The following C2CD2L variants were observed in gnomAD, a reference collection of about 807,000 sequenced individuals.
C2CD2L encodes the protein phospholipid transfer protein C2CD2L.
In C2CD2L, 24 loss-of-function variants were observed where a neutral mutation model predicts 69.9. The ratio of observed to expected loss-of-function variants is 0.34; its 90% CI spans 0.25 to 0.48. The LOEUF (loss-of-function observed/expected upper bound fraction) is 0.48, where lower values mean the gene tolerates loss of function less well. Ranked by LOEUF, C2CD2L falls within the 20% of genes least tolerant of loss-of-function variation. The probability of loss-of-function intolerance (pLI) is 0.99; values close to 1 mark genes in which losing one functional copy is unlikely to be tolerated. For synonymous variants in C2CD2L, 367 were observed against 391.0 expected, an observed-to-expected ratio of 0.94 and a Z score of 0.72; for missense variants, 811 against 941.5, an observed-to-expected ratio of 0.86 and a Z score of 1.81.
In C2CD2L at chr11:119,118,109, T is replaced by A. The variant is rs1020915630; in HGVS notation, c.*1853T>A. On this transcript the variant is annotated 3_prime_UTR_variant, in exon 14 of 14. Transcript: ENST00000648610. ...AATTAGATAATTTAGTTTTATATAT[T>A]TGGGGGGACAAGTGCAGGTTTCTTA... 1 of 152,100 alleles carries A rather than the reference T, an allele frequency of 6.6e-6. No individual in the cohort carries two copies. Among genetic ancestry groups the A allele is most frequent in the Non-Finnish European group, 1.5e-5 (1 of 68,008 alleles). The allele number at this position is 152,100 out of a possible 1,614,324, so 9.4% of individuals were successfully genotyped here.
chr11:119,110,246 G>T lies in C2CD2L; in HGVS notation c.450+47G>T. The T allele has an allele frequency of 7.4e-7, 1 of 1,353,890 alleles. No individual in the cohort carries two copies. Among genetic ancestry groups the T allele is most frequent in the South Asian group, 1.2e-5 (1 of 85,634 alleles). The allele number at this position is 1,353,890 out of a possible 1,614,324, so 83.9% of individuals were successfully genotyped here. A position where few individuals can be genotyped will look rare whatever the true frequency, so the allele number is the denominator to read the frequency against. ...CCCTCTTTGGGGTCCAAGAAGGACTGACCCCAAGGGCTCCCTTTAGTCCAG... is the reference window on the plus strand; with the variant it reads ...CCCTCTTTGGGGTCCAAGAAGGACTTACCCCAAGGGCTCCCTTTAGTCCAG... On this transcript the variant is annotated intron_variant, in intron 2 of 13. Transcript: ENST00000648610. This position sits in a 1 kb window ranked among gnomAD's most constrained non-coding sequence, Gnocchi z 5.7.
chr11:119,108,869 C>A (rs1193820800), intron 1 of C2CD2L, among the ~76,000 whole-genome samples: 1 of 152,222 alleles, frequency 6.6e-6, no homozygotes, highest in African/African-American at 2.4e-5. Context: ...TCCATCAGCT[C>A]CTTGCTCAGA....
intron 13 of C2CD2L, 112 bp from the exon 14 acceptor site, chr11:119,115,933 C>T (rs750509793): frequency 2.5e-6 from 2 of 805,204 alleles, no homozygotes; most frequent in Non-Finnish European, 4.0e-6. Flanking sequence ...TTCTGGGCCA[C>T]GGGACTGATC....
upstream of C2CD2L, among the ~76,000 whole-genome samples, chr11:119,103,246 T>A (rs1183566192): frequency 6.6e-6 from 1 of 152,130 alleles, no homozygotes; most frequent in African/African-American, 2.4e-5. Flanking sequence ...AGGCGGCAAA[T>A]GATTTCCATT....
chr11:119,107,689 C>T lies in C2CD2L; in HGVS notation c.-53C>T. ...CGCGGCCCGCCCGGGCCATGCTCCC[C>T]CGGGGCAGCGGGTGAGCCCCAGCCG... On this transcript the variant is annotated 5_prime_UTR_variant, in exon 1 of 14. Transcript: ENST00000648610. This position sits in a 1 kb window ranked among gnomAD's most constrained non-coding sequence, Gnocchi z 5.4. 8.1e-7 allele frequency: 1 copy of T among 1,230,106 alleles called. No individual in the cohort carries two copies. Among genetic ancestry groups the T allele is most frequent in the Non-Finnish European group, 1.1e-6 (1 of 942,028 alleles). 76.2% of individuals were successfully genotyped at this position (1,230,106 alleles called of 1,614,324 possible).
In C2CD2L at chr11:119,113,637, G is replaced by A. The variant is rs752103890; in HGVS notation, c.1414G>A (p.Val472Met). 4.3e-6 allele frequency: 7 copies of A among 1,613,780 alleles called. No individual in the cohort carries two copies. In the South Asian group the frequency reaches 6.6e-5, roughly 15 times the overall value. Residue 472 changes from valine (V) to methionine (M), a missense_variant, in exon 11 of 14, where the codon GTG (valine) becomes ATG (methionine). Transcript: ENST00000648610. Reference sequence around the variant, plus strand: ...CTCCCCCTCCCGCTCCCCGTCCAAGGTGGAGGTGACCGAGAAGACGACAAC... The same window carrying A: ...CTCCCCCTCCCGCTCCCCGTCCAAGATGGAGGTGACCGAGAAGACGACAAC... ...LDSPSRSPSK[V>M]EVTEKTTTVL...
rs767262870 is a variant in C2CD2L at position 119,116,028 on chromosome 11, C to T, written c.1910-17C>T. ...CCCGTGCCCCTCTCTGCCTCAGCTT[C>T]CCCTCTTCCCCTGCAGTGAGTTTCC... On this transcript the variant is annotated splice_polypyrimidine_tract_variant and intron_variant, in intron 13 of 13. Coordinates refer to ENST00000648610, the MANE Select transcript of C2CD2L (RefSeq NM_001290474.2). 1.2e-6 allele frequency: 2 copies of T among 1,611,954 alleles called. No individual in the cohort carries two copies. The highest frequency in any genetic ancestry group is 2.2e-5 in the East Asian group (1 of 44,848).
rs1370142183 is a variant in C2CD2L, at chr11:119,109,732, A to G, written c.355-372A>G. Among the ~76,000 whole-genome samples, 1 of 151,890 alleles carries G rather than the reference A, an allele frequency of 6.6e-6. No individual in the cohort carries two copies. The highest frequency in any genetic ancestry group is 2.1e-4 in the South Asian group (1 of 4,810). ...GCAACCAGCACCTTAACTTTTTTCTATGTAGGATTTTTTGTTTGTTTGTTA... is the reference window on the plus strand; with the variant it reads ...GCAACCAGCACCTTAACTTTTTTCTGTGTAGGATTTTTTGTTTGTTTGTTA... On this transcript the variant is annotated intron_variant, in intron 1 of 13. Coordinates refer to ENST00000648610, the MANE Select transcript of C2CD2L (RefSeq NM_001290474.2). This position sits in a 1 kb window ranked among gnomAD's most constrained non-coding sequence, Gnocchi z 5.1.
chr11:119,113,932 G>A lies in C2CD2L; in HGVS notation c.1567G>A (p.Val523Met), dbSNP rs1345476891. The A allele has an allele frequency of 3.7e-6, 6 of 1,614,090 alleles. No homozygotes were observed. In the East Asian group the frequency reaches 1.1e-4, roughly 30 times the overall value. The change falls in exon 12 of 14, where the codon GTG becomes ATG. Residue 523 changes from valine (V) to methionine (M), a missense_variant. By Grantham distance (21) the Val-to-Met change is conservative. Transcript: ENST00000648610. The part of the protein sequence containing the change: ...IRQLTEPSGR[V>M]AKKTPTKRST... Reference sequence around the variant, plus strand: ...CCAGCTGACAGAGCCCAGTGGGCGGGTGGCCAAGAAGACACCCACCAAGCG... The same window carrying A: ...CCAGCTGACAGAGCCCAGTGGGCGGATGGCCAAGAAGACACCCACCAAGCG...
rs370206787 is a variant in C2CD2L at position 119,114,312 on chromosome 11, C to T, written c.1856C>T (p.Ser619Leu). 15 of 1,614,028 alleles carry T rather than the reference C, an allele frequency of 9.3e-6. No individual in the cohort carries two copies. Among genetic ancestry groups the T allele is most frequent in the African/African-American group, 5.3e-5 (4 of 74,898 alleles). The change falls in exon 13 of 14, where the codon TCG (serine) becomes TTG (leucine). Residue 619 changes from serine (S) to leucine (L), a missense_variant. Physicochemically the swap from Ser to Leu is moderately radical, Grantham distance 145 (BLOSUM62 -2). Transcript: ENST00000648610. The surrounding 1 kb of genome is among the most constrained non-coding windows in gnomAD (Gnocchi z 5.1). ...SERPSVDDIESETGSTGALET... is the reference protein window; with the variant it reads ...SERPSVDDIELETGSTGALET... ...AGGCCATCTGTGGATGATATTGAGTCGGAAACGGGGTCCACTGGTGCCCTG... is the reference window on the plus strand; with the variant it reads ...AGGCCATCTGTGGATGATATTGAGTTGGAAACGGGGTCCACTGGTGCCCTG...
chr11:119,105,376 C>A (rs994411509), upstream of C2CD2L, among the ~76,000 whole-genome samples: 3 of 152,234 alleles, frequency 2.0e-5, no homozygotes, highest in African/African-American at 7.2e-5. Context: ...CAGTGGCTCT[C>A]ACCTGTAATC....
Position 119,113,595 on chromosome 11 carries a change from C to T in C2CD2L, c.1388-16C>T, listed in dbSNP as rs1442801477. ...TGAAGCAACTCCCAGCTCACTGACC[C>T]TCCCCCACCCACCAGACTCCCCCTC... On this transcript the variant is annotated splice_polypyrimidine_tract_variant and intron_variant, in intron 10 of 13. Transcript: ENST00000648610. 1.1e-5 allele frequency: 17 copies of T among 1,606,618 alleles called. No homozygotes were observed. In the East Asian group the frequency reaches 3.8e-4, roughly 36 times the overall value.
chr11:119,104,601 CT>C (rs1305199506), upstream of C2CD2L, among the ~76,000 whole-genome samples: 1 of 152,214 alleles, frequency 6.6e-6, no homozygotes, highest in Middle Eastern at 3.2e-3. Context: ...AATTGTGTGC[CT>C]TCCCTGGTAA....
chr11:119,113,983 T>A lies in C2CD2L; in HGVS notation c.1618T>A (p.Ser540Thr). 1 of 1,614,026 alleles carries A rather than the reference T, an allele frequency of 6.2e-7. No individual in the cohort carries two copies. Among genetic ancestry groups the A allele is most frequent in the Admixed American group, 1.7e-5 (1 of 60,006 alleles). ...CAGCACTCTCATCATCTCTGGTGTT[T>A]CCAAGGTAACAGGGCTCTGGGGAGA... ...KRSTLIISGV[S>T]KVPIAQDELA... The change falls in exon 12 of 14, where the codon TCC (serine) becomes ACC (threonine). Residue 540 changes from serine to threonine, a missense_variant. By Grantham distance (58) the Ser-to-Thr change is moderately conservative. Transcript: ENST00000648610.
rs375784763 is a variant in C2CD2L, at chr11:119,108,112, G to T, written c.354+17G>T. On this transcript the variant is annotated intron_variant, in intron 1 of 13. Transcript: ENST00000648610. ...AGAAACGGGGTGAGTTGGACCAAGC[G>T]CTTGGGTGGTCCCTTCAGCCTTTCC... The T allele has an allele frequency of 1.3e-6, 2 of 1,537,838 alleles. No individual in the cohort carries two copies. The highest frequency in any genetic ancestry group is 1.7e-4 in the Middle Eastern group (1 of 5,896).
chr11:119,112,976 C>A, intron 10 of C2CD2L, 102 bp downstream of exon 10: 3 of 922,100 alleles, frequency 3.3e-6, no homozygotes, highest in East Asian at 2.6e-5. Context: ...TCCAACTCCC[C>A]CTGTTTTCAG....
In C2CD2L at chr11:119,107,806, C is replaced by A; in HGVS notation, c.65C>A (p.Ser22Ter). ...GCCTTGCTGATCCTCTTCGCCGCCT[C>A]GCTGCTCACGGTGTTCGCCTGGCTG... ...WAALLILFAA[S>*]LLTVFAWLLQ... The change falls in exon 1 of 14, where the codon TCG (serine) becomes TAG (stop). Residue 22 changes from serine (S) to a stop codon, truncating the protein, a stop_gained. Coordinates refer to ENST00000648610, the MANE Select transcript of C2CD2L (RefSeq NM_001290474.2). LOFTEE classifies it high-confidence loss of function. The surrounding 1 kb of genome is among the most constrained non-coding windows in gnomAD (Gnocchi z 5.4). 1.9e-6 allele frequency: 3 copies of A among 1,550,492 alleles called. No individual in the cohort carries two copies. The highest frequency in any genetic ancestry group is 2.6e-6 in the Non-Finnish European group (3 of 1,160,470).
chr11:119,102,713 G>A (rs1946528993), upstream of C2CD2L, among the ~76,000 whole-genome samples: 1 of 151,954 alleles, frequency 6.6e-6, no homozygotes, highest in Non-Finnish European at 1.5e-5. Flanking sequence ...AGGAGGGAGA[G>A]GAATCAGACC....
intron 10 of C2CD2L, chr11:119,113,220 C>T (rs1266952762): frequency 1.2e-5 from 5 of 404,852 alleles, no homozygotes; most frequent in African/African-American, 1.0e-4. Flanking sequence ...CCTCAGCCCT[C>T]CAGCACCCCC....
Sources: allele counts gnomAD v4.1 joint callset (sites outside exome capture counted in the v4.1 genomes callset), GRCh38; gene constraint gnomAD v4.1.1; non-coding constraint Gnocchi (gnomAD v3.1); transcripts MANE v1.5; gene names NCBI Gene and HGNC (gene_info 2026-07-23, HGNC 2026-07-21).